Variants in SDK1 observed in about 807,000 individuals in gnomAD.
SDK1 encodes the protein protein sidekick-1.
Under a neutral mutation model 245.5 loss-of-function variants are expected in SDK1, and 157 were observed. The observed-to-expected ratio is 0.64, with a 90% CI of 0.56 to 0.73. The LOEUF (loss-of-function observed/expected upper bound fraction) is 0.73. SDK1 is among the 30% of genes least tolerant of loss of function. SDK1 has a pLI of 0.00. For missense variants in SDK1, 3,583 were observed against 3,002.3 expected, an observed-to-expected ratio of 1.19 and a Z score of -4.52; for synonymous variants, 1,647 against 1,278.5, an observed-to-expected ratio of 1.29 and a Z score of -6.15.
At chr7:3,657,094 G>A (rs1783210141) in intron 4 of SDK1, among the ~76,000 whole-genome samples, 1 of 152,182 alleles carries the variant, frequency 6.6e-6, no homozygotes, top group Non-Finnish European at 1.5e-5. Flanking sequence ...CCACAAAGGA[G>A]GAGGGGGAAA....
At chr7:4,161,994 C>T in intron 32 of SDK1, 138 bp downstream of exon 32, 6 of 685,166 alleles carry the variant, frequency 8.8e-6, no homozygotes, top group Non-Finnish European at 1.5e-5. Flanking sequence ...GACACACCCT[C>T]AGACTCAAAA....
intron 5 of SDK1, among the ~76,000 whole-genome samples, chr7:3,888,633 A>G (rs1781389925): frequency 6.6e-6 from 1 of 152,244 alleles, no homozygotes; most frequent in South Asian, 2.1e-4. Context: ...ACTTTGATAA[A>G]TTATACAAGA....
intron 42 of SDK1, among the ~76,000 whole-genome samples, chr7:4,239,130 T>C (rs992109967): frequency 6.6e-6 from 1 of 152,172 alleles, no homozygotes; most frequent in African/African-American, 2.4e-5. Flanking sequence ...AAGCATTCAG[T>C]CAATAAGCAT....
At chr7:3,807,731 T>A (rs1034257046) in intron 4 of SDK1, among the ~76,000 whole-genome samples, 1 of 152,126 alleles carries the variant, frequency 6.6e-6, no homozygotes, top group African/African-American at 2.4e-5. Context: ...AAGGACTTGA[T>A]GAGAGAATAC....
At chr7:4,013,081 C>A (rs1438831513) in intron 16 of SDK1, among the ~76,000 whole-genome samples, 2 of 152,132 alleles carry the variant, frequency 1.3e-5, no homozygotes, top group Non-Finnish European at 2.9e-5. Flanking sequence ...GAAATGAAAT[C>A]AATATATTTG....
At chr7:3,775,780 G>T (rs1455867480) in intron 4 of SDK1, among the ~76,000 whole-genome samples, 1 of 151,974 alleles carries the variant, frequency 6.6e-6, no homozygotes, top group Non-Finnish European at 1.5e-5. Flanking sequence ...GTTTCACCTT[G>T]TTAGCCAGGA....
intron 32 of SDK1, among the ~76,000 whole-genome samples, chr7:4,163,463 G>A (rs1306447835): frequency 6.6e-6 from 1 of 152,226 alleles, no homozygotes; most frequent in African/African-American, 2.4e-5. Flanking sequence ...AAGGGGTCCT[G>A]TGGAAAGTGG....
chr7:4,100,119 G>A (rs1382361881), intron 22 of SDK1, among the ~76,000 whole-genome samples: 1 of 152,210 alleles, frequency 6.6e-6, no homozygotes, highest in African/African-American at 2.4e-5. Flanking sequence ...CAGCGTTTCA[G>A]GAATTTAGAA....
chr7:3,702,006 G>A (rs1054132074), intron 4 of SDK1, among the ~76,000 whole-genome samples: 1 of 149,422 alleles, frequency 6.7e-6, no homozygotes, highest in African/African-American at 2.5e-5. Flanking sequence ...TTTACTTAAA[G>A]TGTGTTGGAT....
chr7:3,887,635 A>G (rs1199886389), intron 5 of SDK1, among the ~76,000 whole-genome samples: 1 of 152,344 alleles, frequency 6.6e-6, no homozygotes, highest in South Asian at 2.1e-4. Context: ...CAAAAAAAGC[A>G]TGTTGTCATT....
At chr7:4,259,141 GAATAAATCTTA>G (rs1787810197) in intron 44 of SDK1, among the ~76,000 whole-genome samples, 1 of 152,126 alleles carries the variant, frequency 6.6e-6, no homozygotes, top group Non-Finnish European at 1.5e-5. Flanking sequence ...AACAGATGAA[GAATAAATCTTA>G]AACAGGCCAG....
intron 38 of SDK1, among the ~76,000 whole-genome samples, chr7:4,210,634 C>A (rs1157652828): frequency 6.6e-6 from 1 of 152,190 alleles, no homozygotes. Context: ...GTGCTCCCCT[C>A]GCTCATCCGT....
intron 7 of SDK1, among the ~76,000 whole-genome samples, chr7:3,957,529 A>ATGT (rs956095032): frequency 6.6e-6 from 1 of 152,134 alleles, no homozygotes; most frequent in Admixed American, 6.5e-5. Flanking sequence ...TCATAAGCAA[A>ATGT]TGTTGTTGTC....
intron 22 of SDK1, among the ~76,000 whole-genome samples, chr7:4,098,137 G>A (rs988787107): frequency 6.6e-6 from 1 of 152,076 alleles, no homozygotes; most frequent in African/African-American, 2.4e-5. Flanking sequence ...TGAGATGAAT[G>A]GTGGAAAAGG....
intron 22 of SDK1, among the ~76,000 whole-genome samples, chr7:4,091,316 G>A (rs909554536): frequency 7.9e-6 from 1 of 126,594 alleles, no homozygotes; most frequent in East Asian, 2.0e-4. Context: ...CTCCACATTT[G>A]CCATTTTCTT....
intron 2 of SDK1, among the ~76,000 whole-genome samples, chr7:3,631,159 T>C (rs1196524669): frequency 6.6e-6 from 1 of 152,106 alleles, no homozygotes; most frequent in Non-Finnish European, 1.5e-5. Context: ...GTCTCGAACT[T>C]CTGGGCTCAA....
rs970311394 is a variant in SDK1 at position 3,623,568 on chromosome 7, C to T, written c.458+4329C>T. 2.0e-5 allele frequency among the ~76,000 whole-genome samples: 3 copies of T among 152,214 alleles called. No individual in the cohort carries two copies. In the South Asian group the frequency reaches 6.2e-4, roughly 32 times the overall value. On this transcript the variant is annotated intron_variant, in intron 2 of 44. Coordinates refer to ENST00000404826, the MANE Select transcript of SDK1 (RefSeq NM_152744.4). ...AAATGTTACATTTCATATTGATGCT[C>T]ATGTCTACATTTTGGTGGCACAGGT...
intron 6 of SDK1, 65 bp from the exon 7 acceptor site, chr7:3,951,665 A>G (rs563358713): frequency 6.8e-7 from 1 of 1,460,164 alleles, no homozygotes; most frequent in East Asian, 2.3e-5. Context: ...CGAGTGCCTG[A>G]GATGATGACC....
chr7:4,106,461 G>A lies in SDK1; in HGVS notation c.3325-4202G>A, dbSNP rs907439219. Among the ~76,000 whole-genome samples the A allele has an allele frequency of 7.9e-5, 12 of 151,822 alleles. No individual in the cohort carries two copies. In the East Asian group the frequency reaches 1.4e-3, roughly 17 times the overall value. ...TGGGTCTACAGGCACCCACCACCAC[G>A]CCTTTTTTGTATTTTTAGGAAAGAC... On this transcript the variant is annotated intron_variant, in intron 22 of 44. Coordinates refer to ENST00000404826, the MANE Select transcript of SDK1 (RefSeq NM_152744.4).
Sources: allele counts gnomAD v4.1 joint callset (sites outside exome capture counted in the v4.1 genomes callset), GRCh38; gene constraint gnomAD v4.1.1; transcripts MANE v1.5; gene names NCBI Gene and HGNC (gene_info 2026-07-23, HGNC 2026-07-21).